The following KCNH5 variants were observed in gnomAD, a reference collection of about 807,000 sequenced individuals.
KCNH5 encodes voltage-gated delayed rectifier potassium channel KCNH5.
Under a neutral mutation model 96.1 loss-of-function variants are expected in KCNH5, and 46 were observed. The ratio of observed to expected loss-of-function variants is 0.48; its 90% CI spans 0.38 to 0.61. The LOEUF (loss-of-function observed/expected upper bound fraction) is 0.61, where lower values mean the gene tolerates loss of function less well. Among genes scored for constraint, KCNH5 ranks in the 20% least tolerant of loss-of-function variants. The probability of loss-of-function intolerance (pLI) is 0.00; values close to 1 mark genes in which losing one functional copy is unlikely to be tolerated. For missense variants in KCNH5, 907 were observed against 1,225.8 expected (o/e 0.74, Z 3.88); for synonymous variants, 439 against 449.8 (o/e 0.98, Z 0.30).
intron 10 of KCNH5, among the ~76,000 whole-genome samples, chr14:62,710,298 C>T (rs1221776186): frequency 6.6e-6 from 1 of 152,162 alleles, no homozygotes; most frequent in African/African-American, 2.4e-5. Flanking sequence ...TAAAGGCCAA[C>T]ATATTTTTTC....
intron 8 of KCNH5, among the ~76,000 whole-genome samples, chr14:62,829,491 C>T (rs1251764076): frequency 6.6e-6 from 1 of 152,238 alleles, no homozygotes; most frequent in Non-Finnish European, 1.5e-5. Context: ...TGTGCACCCA[C>T]AGGCCCTATA....
At chr14:62,939,095 A>C (rs1043089157) in intron 7 of KCNH5, among the ~76,000 whole-genome samples, 5 of 152,062 alleles carry the variant, frequency 3.3e-5, no homozygotes, top group African/African-American at 1.2e-4. Context: ...TCTCCCCTCA[A>C]CTAGCCAATC....
At chr14:62,866,822 AC>A (rs1385485136) in intron 7 of KCNH5, among the ~76,000 whole-genome samples, 1 of 152,024 alleles carries the variant, frequency 6.6e-6, no homozygotes. Flanking sequence ...CATCCACATT[AC>A]CACTGCCCTG....
rs1891128522 is a variant in KCNH5, at chr14:63,006,459, C to T, written c.211G>A (p.Glu71Lys). The change falls in exon 3 of 11, where the codon GAA becomes AAA. Residue 71 changes from glutamate (E) to lysine (K), a missense_variant. Transcript: ENST00000322893. ...TCAATGGTCTTCTTGTCAGTCAATT[C>T]CCCATACATAAAACTGGGGGGGAAA... ...KSSTCSFMYG[E>K]LTDKKTIEKV... The T allele has an allele frequency of 6.2e-7, 1 of 1,606,380 alleles. No homozygotes were observed. The highest frequency in any genetic ancestry group is 8.5e-7 in the Non-Finnish European group (1 of 1,174,178).
chr14:62,755,003 G>A (rs1885589952), intron 10 of KCNH5, among the ~76,000 whole-genome samples: 1 of 109,788 alleles, frequency 9.1e-6, no homozygotes, highest in South Asian at 4.4e-4. Context: ...CATCAAAAAA[G>A]AAGGCAAGCT....
chr14:62,926,137 T>C (rs1950572), intron 7 of KCNH5, among the ~76,000 whole-genome samples: 79,119 of 151,888 alleles, frequency 0.52, 20,924 homozygotes, highest in South Asian at 0.69. Flanking sequence ...TAAGGGGAGA[T>C]AGAAAAATAA....
chr14:62,783,813 T>A (rs186793139), intron 9 of KCNH5, among the ~76,000 whole-genome samples: 40 of 149,776 alleles, frequency 2.7e-4, no homozygotes, highest in African/African-American at 8.3e-4. Context: ...TCCTAACTTA[T>A]AATGTTAATT....
In KCNH5 at chr14:62,853,462, T is replaced by TATATATATATATATATATATATATC. The variant is rs1325630757; in HGVS notation, c.1370-3611_1370-3610insGATATATATATATATATATATATAT. On this transcript the variant is annotated intron_variant, in intron 7 of 10. Transcript: ENST00000322893. Reference sequence around the variant, plus strand: ...CCCAAACAAAAAGAATAATCATATATATATATATATATATATATCATATAT... The same window carrying TATATATATATATATATATATATATC: ...CCCAAACAAAAAGAATAATCATATATATATATATATATATATATATATATCATATATATATATATATATCATATAT... 5.7e-4 allele frequency among the ~76,000 whole-genome samples: 69 copies of TATATATATATATATATATATATATC among 121,134 alleles called. 1 individual carries two copies. Among genetic ancestry groups the TATATATATATATATATATATATATC allele is most frequent in the Admixed American group, 1.2e-3 (14 of 11,688 alleles). The allele number at this position is 121,134 out of a possible 152,430, so 79.5% of individuals were successfully genotyped here.
intron 7 of KCNH5, among the ~76,000 whole-genome samples, chr14:62,861,675 C>T (rs1042137734): frequency 4.7e-5 from 7 of 147,932 alleles, no homozygotes; most frequent in African/African-American, 7.6e-5. Flanking sequence ...CACACACACA[C>T]GGTATAATTA....
chr14:62,872,000 C>A (rs1380325456), intron 7 of KCNH5, among the ~76,000 whole-genome samples: 1 of 152,142 alleles, frequency 6.6e-6, no homozygotes, highest in Non-Finnish European at 1.5e-5. Context: ...TCTCTCTCAC[C>A]CTTCTCCCTT....
At chr14:62,987,510 C>T (rs1238800364) in intron 4 of KCNH5, among the ~76,000 whole-genome samples, 2 of 152,132 alleles carry the variant, frequency 1.3e-5, no homozygotes. Flanking sequence ...AATAGCTGTC[C>T]AATTAGGAAC....
Position 63,012,120 on chromosome 14 carries a change from G to A in KCNH5, c.197+4711C>T, listed in dbSNP as rs529526007. On this transcript the variant is annotated intron_variant, in intron 2 of 10. Coordinates refer to ENST00000322893, the MANE Select transcript of KCNH5 (RefSeq NM_139318.5). ...CTAAAGTGGTTCCTACCTAATCTAT[G>A]ACAGTATATCCCAAATGTCAGAGCT... is the stretch of plus-strand genomic sequence containing the variant. Among the ~76,000 whole-genome samples the A allele has an allele frequency of 5.9e-5, 9 of 152,262 alleles. No individual in the cohort carries two copies. The East Asian group carries it at 1.7e-3, about 29-fold the overall frequency.
intron 3 of KCNH5, among the ~76,000 whole-genome samples, chr14:63,004,216 A>T (rs1424487140): frequency 1.3e-5 from 2 of 152,184 alleles, no homozygotes; most frequent in Admixed American, 1.3e-4. Flanking sequence ...TTCTCAGCTG[A>T]TGTTCAAAAC....
intron 1 of KCNH5, among the ~76,000 whole-genome samples, chr14:63,044,610 C>T (rs1477685579): frequency 2.6e-5 from 4 of 152,164 alleles, no homozygotes; most frequent in African/African-American, 9.7e-5. Context: ...CTACTCTCCC[C>T]GGCACAAAGC....
intron 1 of KCNH5, among the ~76,000 whole-genome samples, chr14:63,021,479 C>T (rs1033812866): frequency 2.6e-5 from 4 of 152,108 alleles, no homozygotes; most frequent in African/African-American, 9.7e-5. Context: ...CATCTCTTTG[C>T]CCATCAAAAC....
intron 10 of KCNH5, among the ~76,000 whole-genome samples, chr14:62,735,790 A>T (rs1885143594): frequency 6.6e-6 from 1 of 152,122 alleles, no homozygotes; most frequent in Non-Finnish European, 1.5e-5. Flanking sequence ...TGAGTTTACA[A>T]AAAAATGGTT....
chr14:62,733,019 T>C (rs1566642703), intron 10 of KCNH5, among the ~76,000 whole-genome samples: 3 of 152,004 alleles, frequency 2.0e-5, no homozygotes, highest in African/African-American at 7.2e-5. Context: ...TGGTGTGCTA[T>C]AATTAGCCCA....
At chr14:62,916,211 C>T (rs1889272486) in intron 7 of KCNH5, among the ~76,000 whole-genome samples, 1 of 152,144 alleles carries the variant, frequency 6.6e-6, no homozygotes, top group Non-Finnish European at 1.5e-5. Context: ...CTCAGCCTCC[C>T]AAAGTGCTGG....
intron 7 of KCNH5, among the ~76,000 whole-genome samples, chr14:62,928,919 C>T (rs1466692319): frequency 6.6e-6 from 1 of 152,006 alleles, no homozygotes; most frequent in Non-Finnish European, 1.5e-5. Context: ...TTCAACCAGT[C>T]TCATGACTTT....
Sources: allele counts gnomAD v4.1 joint callset (sites outside exome capture counted in the v4.1 genomes callset), GRCh38; gene constraint gnomAD v4.1.1; transcripts MANE v1.5; gene names NCBI Gene and HGNC (gene_info 2026-07-23, HGNC 2026-07-21).